Variants in RIPOR3 observed in about 807,000 individuals in gnomAD.
The protein encoded by RIPOR3 is family with sequence similarity 65 member C.
Under a neutral mutation model 114.3 loss-of-function variants are expected in RIPOR3, and 95 were observed. That is an observed-to-expected ratio of 0.83 (90% CI 0.70 to 0.99). The LOEUF (loss-of-function observed/expected upper bound fraction) is 0.99, where lower values mean the gene tolerates loss of function less well. RIPOR3 is among the 50% of genes least tolerant of loss of function. The probability of loss-of-function intolerance (pLI) is 0.00; values close to 1 mark genes in which losing one functional copy is unlikely to be tolerated. For synonymous variants in RIPOR3, 575 were observed against 543.8 expected (o/e 1.06, Z -0.80); for missense variants, 1,252 against 1,266.9 (o/e 0.99, Z 0.18).
At chr20:50,597,400 GCT>G in intron 14 of RIPOR3, 178 bp downstream of exon 14, 1 of 899,080 alleles carries the variant, frequency 1.1e-6, no homozygotes, top group Non-Finnish European at 1.6e-6. Flanking sequence ...CTGAGGACCG[GCT>G]CTGAGGCAAG....
At chr20:50,622,575 ACCC>A (rs2084455824) in intron 2 of RIPOR3, among the ~76,000 whole-genome samples, 1 of 152,052 alleles carries the variant, frequency 6.6e-6, no homozygotes, top group Non-Finnish European at 1.5e-5. Context: ...AGCAGCTTCA[ACCC>A]ACCCCTAAAA....
intron 20 of RIPOR3, among the ~76,000 whole-genome samples, chr20:50,588,824 T>G (rs2083010598): frequency 6.7e-6 from 1 of 149,974 alleles, no homozygotes; most frequent in African/African-American, 2.5e-5. Flanking sequence ...CTCATGCCTG[T>G]AATCCCAGCA....
At chr20:50,589,142 T>TG (rs2083028854) in intron 20 of RIPOR3, among the ~76,000 whole-genome samples, 1 of 136,782 alleles carries the variant, frequency 7.3e-6, no homozygotes, top group Non-Finnish European at 1.6e-5. Context: ...TAACACAAAA[T>TG]GTTCTTATTT....
rs1206671392 is a variant in RIPOR3 at position 50,626,222 on chromosome 20, TCCCCGTCGGTGTGGG to T, written c.122+4501_122+4515del. ...GGAAGTTAAAAATAGATGCACCGCT[TCCCCGTCGGTGTGGG>T]CAGCTTCTTCCTTGCCCTCACACAA... On this transcript the variant is annotated intron_variant, in intron 2 of 21. Transcript: ENST00000327979. Among the ~76,000 whole-genome samples, 3 of 152,358 alleles carry T rather than the reference TCCCCGTCGGTGTGGG, an allele frequency of 2.0e-5. No individual in the cohort carries two copies. In the South Asian group the frequency reaches 6.2e-4, roughly 32 times the overall value.
intron 1 of RIPOR3, among the ~76,000 whole-genome samples, chr20:50,665,219 T>G (rs974881990): frequency 1.6e-4 from 25 of 151,746 alleles, no homozygotes; most frequent in Admixed American, 1.2e-3. Context: ...GGAGGATCAC[T>G]TGAGCCCTAG....
At chr20:50,682,359 G>C (rs1375063153) in intron 1 of RIPOR3, among the ~76,000 whole-genome samples, 1 of 152,218 alleles carries the variant, frequency 6.6e-6, no homozygotes, top group East Asian at 1.9e-4. Flanking sequence ...TGTAATCCCA[G>C]CCCTTTGGGA....
intron 2 of RIPOR3, among the ~76,000 whole-genome samples, chr20:50,629,868 G>A (rs1386742949): frequency 6.6e-6 from 1 of 152,094 alleles, no homozygotes. Context: ...TCCCAACCCC[G>A]CCCGTGGAAG....
intron 1 of RIPOR3, among the ~76,000 whole-genome samples, chr20:50,675,189 T>C (rs543193070): frequency 1.3e-5 from 2 of 152,288 alleles, no homozygotes; most frequent in South Asian, 4.1e-4. Flanking sequence ...GAAAGGATTC[T>C]TCCTTAGAGT....
chr20:50,647,301 CAA>C (rs1348738358), intron 1 of RIPOR3, among the ~76,000 whole-genome samples: 1 of 151,880 alleles, frequency 6.6e-6, no homozygotes, highest in African/African-American at 2.4e-5. Context: ...GCCTAGGCGA[CAA>C]GAGCGAAACT....
At chr20:50,652,616 AAAG>A (rs1188428924) in intron 1 of RIPOR3, among the ~76,000 whole-genome samples, 148 of 151,132 alleles carry the variant, frequency 9.8e-4, no homozygotes, top group African/African-American at 3.4e-3. Flanking sequence ...AAAAAAAAGA[AAAG>A]AAAAGAAAAG....
intron 1 of RIPOR3, among the ~76,000 whole-genome samples, chr20:50,647,031 A>G (rs966486515): frequency 1.3e-5 from 2 of 152,198 alleles, no homozygotes; most frequent in Non-Finnish European, 2.9e-5. Context: ...CATGTGAAAA[A>G]GAAAAGGGGG....
chr20:50,666,198 T>TTCTTTTCTTTTC (rs1555873341), intron 1 of RIPOR3, among the ~76,000 whole-genome samples: 1 of 96,720 alleles, frequency 1.0e-5, no homozygotes, highest in African/African-American at 5.4e-5. Context: ...TTTTCTTTTC[T>TTCTTTTCTTTTC]TTTCTTTTCT....
At chr20:50,590,152 G>C in intron 19 of RIPOR3, 1 of 231,648 alleles carries the variant, frequency 4.3e-6, no homozygotes. Context: ...AACGGGCAAG[G>C]CTGCTGCCTT....
chr20:50,652,639 A>G (rs957653903), intron 1 of RIPOR3, among the ~76,000 whole-genome samples: 5 of 152,018 alleles, frequency 3.3e-5, no homozygotes, highest in African/African-American at 1.2e-4. Context: ...GAAAGAAAGA[A>G]AAGAAAAGAA....
At chr20:50,662,828 C>G (rs1044020245) in intron 1 of RIPOR3, among the ~76,000 whole-genome samples, 5 of 152,356 alleles carry the variant, frequency 3.3e-5, no homozygotes, top group Admixed American at 1.3e-4. Context: ...GACACAGTGG[C>G]TCACGCCTGT....
At chr20:50,642,707 C>T (rs1463446612) in intron 1 of RIPOR3, among the ~76,000 whole-genome samples, 1 of 151,782 alleles carries the variant, frequency 6.6e-6, no homozygotes, top group Non-Finnish European at 1.5e-5. Flanking sequence ...TCTCTGCCTC[C>T]CTCTCACCCT....
chr20:50,640,417 G>A (rs1158610654), intron 1 of RIPOR3, among the ~76,000 whole-genome samples: 6 of 148,004 alleles, frequency 4.1e-5, no homozygotes, highest in Non-Finnish European at 7.5e-5. Flanking sequence ...AGGAGAGACC[G>A]GGTGAAGGGC....
In RIPOR3 at chr20:50,595,432, C is replaced by T. The variant is rs201715374; in HGVS notation, c.1987G>A (p.Val663Ile). The T allele has an allele frequency of 1.9e-4, 302 of 1,614,178 alleles. No individual in the cohort carries two copies. The highest frequency in any genetic ancestry group is 3.2e-4 in the African/African-American group (24 of 75,054). ...LLEEVAQQKH[V>I]LETLSVLDFE... ...TCAAGGACAGAAAGTGTCTCCAGAACGTGCTTTTGCTGTGCCACTTCTTCC... is the reference window on the plus strand; with the variant it reads ...TCAAGGACAGAAAGTGTCTCCAGAATGTGCTTTTGCTGTGCCACTTCTTCC... The change falls in exon 16 of 22, where the codon GTT becomes ATT. Residue 663 changes from valine to isoleucine, a missense_variant. Val to Ile is a conservative substitution (Grantham distance 29). Coordinates refer to ENST00000327979, the MANE Select transcript of RIPOR3 (RefSeq NM_001290268.2).
intron 2 of RIPOR3, 60 bp downstream of exon 2, chr20:50,630,678 C>T (rs1433580005): frequency 2.1e-6 from 3 of 1,434,796 alleles, no homozygotes; most frequent in Admixed American, 2.0e-5. Context: ...CCCTGCCCTT[C>T]CCCAGCCCAT....
Sources: gnomAD v4.1 joint callset for allele counts (sites outside exome capture counted in the v4.1 genomes callset) on GRCh38, gnomAD v4.1.1 for gene constraint, MANE v1.5 for transcripts, NCBI Gene and HGNC (gene_info 2026-07-23, HGNC 2026-07-21) for gene names.